ACSS3: variants seen among roughly 807,000 people sequenced by gnomAD.
The protein encoded by ACSS3 is acyl-CoA synthetase short chain family member 3.
A neutral mutation model predicts 84.2 loss-of-function variants in ACSS3; 64 were observed. That is an observed-to-expected ratio of 0.76 (90% CI 0.62 to 0.94). The LOEUF (loss-of-function observed/expected upper bound fraction) is 0.94, where lower values mean the gene tolerates loss of function less well. ACSS3 is among the 40% of genes least tolerant of loss of function. ACSS3 has a pLI of 0.00. For missense variants in ACSS3, 815 were observed against 867.6 expected (o/e 0.94, Z 0.76); for synonymous variants, 317 against 310.1 (o/e 1.02, Z -0.23).
At chr12:81,176,999 A>G (rs955978560) in intron 8 of ACSS3, among the ~76,000 whole-genome samples, 8 of 152,242 alleles carry the variant, frequency 5.3e-5, no homozygotes, top group South Asian at 4.1e-4. Context: ...CTGGAATGCA[A>G]GGTTGGTTCA....
Position 81,146,125 on chromosome 12 carries a change from A to G in ACSS3, c.921+2878A>G, listed in dbSNP as rs145668893. Among the ~76,000 whole-genome samples the G allele has an allele frequency of 3.5e-4, 54 of 152,276 alleles. No individual in the cohort carries two copies. The East Asian group carries it at 7.3e-3, about 21-fold the overall frequency. On this transcript the variant is annotated intron_variant, in intron 5 of 15. Transcript: ENST00000548058. ...TTTTTATTTATTTACTTTTATAACA[A>G]TGAATGTTCTCTGAGGTCTTAGAAT...
chr12:81,106,577 T>A (rs940294514), intron 1 of ACSS3, among the ~76,000 whole-genome samples: 3 of 152,168 alleles, frequency 2.0e-5, no homozygotes, highest in African/African-American at 4.8e-5. Context: ...GAAACCAGTC[T>A]CTGATGCCAA....
chr12:81,223,053 A>G (rs555022079), intron 11 of ACSS3, among the ~76,000 whole-genome samples: 6 of 152,072 alleles, frequency 3.9e-5, no homozygotes, highest in Admixed American at 1.3e-4. Context: ...AAATAAAACT[A>G]TGAGTCAGTA....
chr12:81,251,805 C>T (rs768781974), intron 13 of ACSS3, among the ~76,000 whole-genome samples: 38 of 151,924 alleles, frequency 2.5e-4, no homozygotes, highest in Non-Finnish European at 2.9e-4. Context: ...AACATGCCAG[C>T]GCACTCCAGC....
At chr12:81,214,932 C>A (rs2032846710) in intron 9 of ACSS3, among the ~76,000 whole-genome samples, 1 of 152,198 alleles carries the variant, frequency 6.6e-6, no homozygotes, top group South Asian at 2.1e-4. Flanking sequence ...GTGGTATCTC[C>A]TTTCCTAATG....
chr12:81,125,425 A>G (rs1432496296), intron 2 of ACSS3, among the ~76,000 whole-genome samples: 1 of 152,158 alleles, frequency 6.6e-6, no homozygotes, highest in East Asian at 1.9e-4. Context: ...TAGGTGTTCA[A>G]TATTTTACTT....
Position 81,199,381 on chromosome 12 carries a change from G to A in ACSS3, c.1291G>A (p.Glu431Lys). 2 of 1,613,662 alleles carry A rather than the reference G, an allele frequency of 1.2e-6. No individual in the cohort carries two copies. The highest frequency in any genetic ancestry group is 1.7e-6 in the Non-Finnish European group (2 of 1,179,760). ...TGTGGCTGGAGAACGATGTGATGTA[G>A]AGACCCTGGAATGGTCCAAAAATGT... ...LFVAGERCDV[E>K]TLEWSKNVFR... Residue 431 changes from glutamate (E) to lysine (K), a missense_variant, in exon 9 of 16, where the codon GAG becomes AAG. By Grantham distance (56) the Glu-to-Lys change is moderately conservative. Coordinates refer to ENST00000548058, the MANE Select transcript of ACSS3 (RefSeq NM_024560.4).
At chr12:81,188,636 C>T (rs555554081) in intron 8 of ACSS3, among the ~76,000 whole-genome samples, 2 of 152,098 alleles carry the variant, frequency 1.3e-5, no homozygotes, top group South Asian at 4.1e-4. Flanking sequence ...TTCTTTGATA[C>T]CTGGCTTCTT....
At chr12:81,096,136 C>T (rs1479298968) in intron 1 of ACSS3, among the ~76,000 whole-genome samples, 12 of 152,184 alleles carry the variant, frequency 7.9e-5, no homozygotes, top group Admixed American at 7.9e-4. Context: ...TTAAAGCCTG[C>T]TCTGTTTCTG....
chr12:81,240,373 C>T (rs1182685759), intron 13 of ACSS3, among the ~76,000 whole-genome samples: 1 of 151,942 alleles, frequency 6.6e-6, no homozygotes, highest in African/African-American at 2.4e-5. Context: ...ACTACTCCTA[C>T]TTATAAAAAT....
chr12:81,182,058 A>C (rs1204624622), intron 8 of ACSS3, among the ~76,000 whole-genome samples: 5 of 152,182 alleles, frequency 3.3e-5, no homozygotes, highest in African/African-American at 7.2e-5. Context: ...TCAGATCCCT[A>C]AAGCGCACAG....
intron 10 of ACSS3, among the ~76,000 whole-genome samples, chr12:81,219,649 G>A (rs1356706569): frequency 1.3e-5 from 2 of 151,988 alleles, no homozygotes; most frequent in African/African-American, 2.4e-5. Flanking sequence ...ATATTTTTTG[G>A]TGTGTTTGAA....
intron 13 of ACSS3, among the ~76,000 whole-genome samples, chr12:81,248,469 C>T (rs1203687944): frequency 6.6e-6 from 1 of 151,982 alleles, no homozygotes; most frequent in Admixed American, 6.6e-5. Flanking sequence ...AAGACAATAT[C>T]TATCCTCATT....
At chr12:81,118,896 G>T (rs1009524859) in intron 2 of ACSS3, among the ~76,000 whole-genome samples, 5 of 152,140 alleles carry the variant, frequency 3.3e-5, no homozygotes, top group African/African-American at 1.2e-4. Context: ...GAATGGTAGT[G>T]TGATAATGTA....
intron 7 of ACSS3, among the ~76,000 whole-genome samples, chr12:81,160,183 G>A (rs1440595016): frequency 6.6e-6 from 1 of 152,192 alleles, no homozygotes; most frequent in Non-Finnish European, 1.5e-5. Context: ...TCTTGATATA[G>A]CAGTTGTCAT....
rs368509016 is a variant in ACSS3 at position 81,129,734 on chromosome 12, T to A, written c.457-5082T>A. On this transcript the variant is annotated intron_variant, in intron 2 of 15. Coordinates refer to ENST00000548058, the MANE Select transcript of ACSS3 (RefSeq NM_024560.4). ...TTGGTGTGCTGCACCCATTAACTCA[T>A]CATTTACATTAGGTATTTCTCTTAA... Among the ~76,000 whole-genome samples, 42 of 152,268 alleles carry A rather than the reference T, an allele frequency of 2.8e-4. 1 individual carries two copies. Among genetic ancestry groups the A allele is most frequent in the African/African-American group, 1.0e-3 (42 of 41,560 alleles).
At chr12:81,212,237 C>T (rs943280303) in intron 9 of ACSS3, among the ~76,000 whole-genome samples, 2 of 152,202 alleles carry the variant, frequency 1.3e-5, no homozygotes, top group Non-Finnish European at 1.5e-5. Context: ...ATTGGGAGGT[C>T]TCCATGCGGG....
intron 7 of ACSS3, among the ~76,000 whole-genome samples, chr12:81,154,174 C>T (rs1030859548): frequency 1.3e-5 from 2 of 152,272 alleles, no homozygotes; most frequent in Middle Eastern, 3.4e-3. Context: ...AACCTCTACA[C>T]TGAATAGTTA....
intron 8 of ACSS3, among the ~76,000 whole-genome samples, chr12:81,191,610 A>T (rs899465217): frequency 6.6e-6 from 1 of 152,206 alleles, no homozygotes; most frequent in Admixed American, 6.5e-5. Flanking sequence ...ATTTCCTGTG[A>T]TGCAGACTGC....
Sources: allele counts gnomAD v4.1 joint callset (sites outside exome capture counted in the v4.1 genomes callset), GRCh38; gene constraint gnomAD v4.1.1; transcripts MANE v1.5; gene names NCBI Gene and HGNC (gene_info 2026-07-23, HGNC 2026-07-21).